Variants in EPB41L4B observed in about 807,000 individuals in gnomAD.
The protein encoded by EPB41L4B is band 4.1-like protein 4B.
In EPB41L4B, 30 loss-of-function variants were observed where a neutral mutation model predicts 112.5. That is an observed-to-expected ratio of 0.27 (90% CI 0.20 to 0.36). The LOEUF (loss-of-function observed/expected upper bound fraction) is 0.36, where lower values mean the gene tolerates loss of function less well. Among genes scored for constraint, EPB41L4B ranks in the 10% least tolerant of loss-of-function variants. The pLI is 1.00. For synonymous variants in EPB41L4B, 408 were observed against 439.7 expected (o/e 0.93, Z 0.90); for missense variants, 1,024 against 1,133.3 (o/e 0.90, Z 1.38).
intron 1 of EPB41L4B, among the ~76,000 whole-genome samples, chr9:109,310,147 C>T (rs953688777): frequency 6.6e-5 from 10 of 152,074 alleles, no homozygotes; most frequent in African/African-American, 2.2e-4. Context: ...CCAGTATATG[C>T]ATGCAATGGA....
At chr9:109,200,377 T>G (rs1832782986) in intron 19 of EPB41L4B, 43 bp from the exon 20 acceptor site, 1 of 1,514,220 alleles carries the variant, frequency 6.6e-7, no homozygotes, top group Admixed American at 1.7e-5. Flanking sequence ...TCAAAAAAGG[T>G]TTATGGTCTC....
At chr9:109,226,917 C>T (rs921664925) in intron 15 of EPB41L4B, among the ~76,000 whole-genome samples, 3 of 151,600 alleles carry the variant, frequency 2.0e-5, no homozygotes, top group Admixed American at 6.6e-5. Context: ...AGCTCACTTG[C>T]AGCCTTGAAT....
chr9:109,222,137 A>G (rs1239560584), intron 15 of EPB41L4B, among the ~76,000 whole-genome samples: 1 of 152,186 alleles, frequency 6.6e-6, no homozygotes, highest in African/African-American at 2.4e-5. Context: ...GGAGTGAGAA[A>G]GTGCATTTCA....
At chr9:109,226,510 C>T (rs1804892077) in intron 15 of EPB41L4B, among the ~76,000 whole-genome samples, 1 of 151,120 alleles carries the variant, frequency 6.6e-6, no homozygotes. Context: ...TAACCAATTC[C>T]CTGAATTAAA....
intron 15 of EPB41L4B, among the ~76,000 whole-genome samples, chr9:109,226,473 A>T (rs1162295204): frequency 6.6e-6 from 1 of 151,724 alleles, no homozygotes. Flanking sequence ...TGTCCAATTA[A>T]GTTTCTTAGT....
intron 12 of EPB41L4B, among the ~76,000 whole-genome samples, chr9:109,252,409 T>A (rs1326270607): frequency 6.6e-6 from 1 of 152,176 alleles, no homozygotes; most frequent in African/African-American, 2.4e-5. Flanking sequence ...ATCGCCCTTC[T>A]CTGGACACGC....
chr9:109,286,608 T>C (rs1836292667), intron 1 of EPB41L4B, among the ~76,000 whole-genome samples: 1 of 152,216 alleles, frequency 6.6e-6, no homozygotes, highest in African/African-American at 2.4e-5. Context: ...TCCACTCATT[T>C]AACAAATATT....
intron 1 of EPB41L4B, among the ~76,000 whole-genome samples, chr9:109,308,232 C>A (rs1232185806): frequency 1.3e-5 from 2 of 152,032 alleles, no homozygotes; most frequent in Non-Finnish European, 2.9e-5. Context: ...AGGAAGAACC[C>A]ACACTCGAGG....
intron 16 of EPB41L4B, among the ~76,000 whole-genome samples, chr9:109,214,119 G>A (rs1833280393): frequency 6.6e-6 from 1 of 152,180 alleles, no homozygotes; most frequent in African/African-American, 2.4e-5. Flanking sequence ...GGGTTGCTGT[G>A]AATATCCAAT....
intron 6 of EPB41L4B, among the ~76,000 whole-genome samples, chr9:109,259,873 A>G (rs1334666960): frequency 6.6e-6 from 1 of 152,194 alleles, no homozygotes. Context: ...GCTCAAGCAC[A>G]GGAGGAAACA....
chr9:109,200,463 T>G (rs1832785089), intron 19 of EPB41L4B, 129 bp from the exon 20 acceptor site: 2 of 602,874 alleles, frequency 3.3e-6, no homozygotes, highest in Non-Finnish European at 5.7e-6. Flanking sequence ...CCATTTTTTT[T>G]GCCTTTCTAC....
chr9:109,208,172 A>G lies in EPB41L4B; in HGVS notation c.1753-123T>C, dbSNP rs189422296. On this transcript the variant is annotated intron_variant, in intron 17 of 25. Coordinates refer to ENST00000374566, the MANE Select transcript of EPB41L4B (RefSeq NM_019114.5). ...TACATACATAGACAGGGGTGTCACC[A>G]ACTCCTTATATTTTTATCTGTGCTT... 3.2e-5 allele frequency: 36 copies of G among 1,128,772 alleles called. No homozygotes were observed. In the Middle Eastern group the frequency reaches 7.6e-4, roughly 24 times the overall value. 69.9% of individuals were successfully genotyped at this position (1,128,772 alleles called of 1,614,324 possible).
chr9:109,244,434 CTTTTTTTTTTTTTTTTTTTT>C (rs573807379), intron 14 of EPB41L4B, among the ~76,000 whole-genome samples: 3 of 48,476 alleles, frequency 6.2e-5, no homozygotes, highest in South Asian at 1.2e-3. Flanking sequence ...TGAAGGTTGT[CTTTTTTTTTTTTTTTTTTTT>C]TTTTTTTTTT....
intron 2 of EPB41L4B, 23 bp from the exon 3 acceptor site, chr9:109,268,456 C>A (rs764325750): frequency 6.2e-7 from 1 of 1,602,434 alleles, no homozygotes; most frequent in African/African-American, 1.3e-5. Context: ...AAAAAAGTTT[C>A]TTTAGGAATA....
Position 109,320,372 on chromosome 9 carries a change from C to CCCGCGCCCCG in EPB41L4B, c.65_74dup (p.Ala26GlyfsTer90). On this transcript the variant is annotated frameshift_variant, in exon 1 of 26. Transcript: ENST00000374566. LOFTEE classifies it high-confidence loss of function. Reference sequence around the variant, plus strand: ...CGCGCTCGTCCCCCAGCCCGGCGGCCCCGCGCCCCGCCGCGCCCCGCGCGT... The same window carrying CCCGCGCCCCG: ...CGCGCTCGTCCCCCAGCCCGGCGGCCCCGCGCCCCGCCGCGCCCCGCCGCGCCCCGCGCGT... 2.0e-6 allele frequency: 2 copies of CCCGCGCCCCG among 982,756 alleles called. No homozygotes were observed. Among genetic ancestry groups the CCCGCGCCCCG allele is most frequent in the Non-Finnish European group, 1.2e-6 (1 of 829,466 alleles). The allele number at this position is 982,756 out of a possible 1,614,324, so 60.9% of individuals were successfully genotyped here. A position where few individuals can be genotyped will look rare whatever the true frequency, so the allele number is the denominator to read the frequency against.
At chr9:109,269,897 G>A (rs1291403240) in intron 2 of EPB41L4B, among the ~76,000 whole-genome samples, 4 of 152,160 alleles carry the variant, frequency 2.6e-5, no homozygotes, top group South Asian at 4.1e-4. Context: ...ATGACTGTGT[G>A]GGAGGAAGGG....
intron 15 of EPB41L4B, among the ~76,000 whole-genome samples, chr9:109,222,422 A>AT (rs769431749): frequency 3.3e-5 from 5 of 152,130 alleles, no homozygotes; most frequent in Non-Finnish European, 7.3e-5. Context: ...GGCTTCATGG[A>AT]TTGTGCCCTG....
intron 25 of EPB41L4B, among the ~76,000 whole-genome samples, chr9:109,175,998 T>A (rs952685869): frequency 7.0e-6 from 1 of 141,956 alleles, no homozygotes; most frequent in Admixed American, 7.1e-5. Context: ...GATACCTTAT[T>A]GCCATTCACA....
chr9:109,220,029 C>A (rs1588145632), intron 15 of EPB41L4B, among the ~76,000 whole-genome samples: 1 of 152,336 alleles, frequency 6.6e-6, no homozygotes, highest in East Asian at 1.9e-4. Flanking sequence ...CATTTTAGCT[C>A]CTGGTTCCAG....
Sources: gnomAD v4.1 joint callset for allele counts (sites outside exome capture counted in the v4.1 genomes callset) on GRCh38, gnomAD v4.1.1 for gene constraint, MANE v1.5 for transcripts, NCBI Gene and HGNC (gene_info 2026-07-23, HGNC 2026-07-21) for gene names.